The following DIAPH2 variants were observed in gnomAD, a reference collection of about 807,000 sequenced individuals.
DIAPH2 encodes diaphanous related formin 2.
A neutral mutation model predicts 92.7 loss-of-function variants in DIAPH2; 35 were observed. That is an observed-to-expected ratio of 0.38 (90% CI 0.29 to 0.50). The LOEUF (loss-of-function observed/expected upper bound fraction) is 0.50. Among genes scored for constraint, DIAPH2 ranks in the 20% least tolerant of loss-of-function variants. The pLI is 0.94. For synonymous variants in DIAPH2, 301 were observed against 280.4 expected, an observed-to-expected ratio of 1.07 and a Z score of -0.73; for missense variants, 701 against 819.5, an observed-to-expected ratio of 0.86 and a Z score of 1.77.
intron 1 of DIAPH2, among the ~76,000 whole-genome samples, chrX:96,696,902 T>C (rs1016804726): frequency 3.6e-4 from 40 of 112,235 alleles, no homozygotes; most frequent in African/African-American, 1.3e-3. Flanking sequence ...AGACAGTTTA[T>C]TATTCATTGC....
At chrX:97,376,041 A>T (rs1225494866) in intron 24 of DIAPH2, among the ~76,000 whole-genome samples, 1 of 109,158 alleles carries the variant, frequency 9.2e-6, no homozygotes, top group Non-Finnish European at 1.9e-5. Flanking sequence ...TTGGACTTTT[A>T]TTGTACTGTG....
chrX:97,273,808 C>T (rs980936005), intron 23 of DIAPH2, among the ~76,000 whole-genome samples: 3 of 111,875 alleles, frequency 2.7e-5, no homozygotes, highest in Non-Finnish European at 3.8e-5. Context: ...CCCAGTTATA[C>T]ATGTTGTTTG....
At position 97,141,684 on chromosome X, in the gene DIAPH2, C is replaced by T. The variant is rs371649759; in HGVS notation, c.2609C>T (p.Ala870Val). 5.0e-6 allele frequency: 6 copies of T among 1,197,011 alleles called. No homozygotes were observed. The African/African-American group carries it at 7.1e-5, about 14-fold the overall frequency. ...FLCKIRDTKSADQKTTLLHFI... is the reference protein window; with the variant it reads ...FLCKIRDTKSVDQKTTLLHFI... Reference sequence around the variant, plus strand: ...TCCCAGATCAGAGATACTAAATCAGCGGATCAAAAAACAACCCTTTTGCAT... The same window carrying T: ...TCCCAGATCAGAGATACTAAATCAGTGGATCAAAAAACAACCCTTTTGCAT... The change falls in exon 22 of 27, where the codon GCG becomes GTG. Residue 870 changes from alanine (A) to valine (V), a missense_variant. Physicochemically the swap from Ala to Val is moderately conservative, Grantham distance 64. Coordinates refer to ENST00000324765, the MANE Select transcript of DIAPH2 (RefSeq NM_006729.5).
At chrX:97,522,193 G>T (rs1330928569) in intron 26 of DIAPH2, among the ~76,000 whole-genome samples, 1 of 112,218 alleles carries the variant, frequency 8.9e-6, no homozygotes, top group Non-Finnish European at 1.9e-5. Context: ...ATATAGATTT[G>T]CTGGATTATA....
intron 4 of DIAPH2, among the ~76,000 whole-genome samples, chrX:96,879,213 G>A (rs2065197529): frequency 9.0e-6 from 1 of 110,613 alleles, no homozygotes; most frequent in Admixed American, 9.6e-5. Context: ...GTGTTGCGAT[G>A]ATAACTAGAA....
chrX:97,439,743 T>A (rs1266346760), intron 26 of DIAPH2, among the ~76,000 whole-genome samples: 1 of 74,137 alleles, frequency 1.3e-5, no homozygotes, highest in Admixed American at 1.9e-4. Flanking sequence ...CCAGACTCTG[T>A]CTCAAAATAA....
At chrX:97,174,470 T>C (rs1221867590) in intron 22 of DIAPH2, among the ~76,000 whole-genome samples, 2 of 112,000 alleles carry the variant, frequency 1.8e-5, no homozygotes, top group Non-Finnish European at 3.8e-5. Context: ...GTGTGCTTTA[T>C]GACTTTATTA....
intron 9 of DIAPH2, among the ~76,000 whole-genome samples, chrX:96,927,048 G>T (rs927141229): frequency 9.9e-5 from 11 of 111,301 alleles, no homozygotes; most frequent in African/African-American, 3.6e-4. Context: ...CAGGAGAAAT[G>T]ATATCAAGCA....
chrX:96,912,461 T>C (rs2065474488), intron 6 of DIAPH2, 22 bp from the exon 7 acceptor site: 1 of 1,198,059 alleles, frequency 8.3e-7, no homozygotes, highest in Non-Finnish European at 1.1e-6. Flanking sequence ...CACAACATAA[T>C]ATACATTTTT....
chrX:97,429,740 A>G lies in DIAPH2; in HGVS notation c.3236A>G (p.Asn1079Ser). Residue 1079 changes from asparagine (N) to serine (S), a missense_variant, in exon 26 of 27, where the codon AAT becomes AGT. Asn to Ser is a conservative substitution (Grantham distance 46). This residue lies in a region of DIAPH2 where 536 missense variants were observed against 599.3 expected (regional missense o/e 0.89). Coordinates refer to ENST00000324765, the MANE Select transcript of DIAPH2 (RefSeq NM_006729.5). ...FRDRRKRIPR[N>S]PDNRRVPLER... ...GACCGTCGAAAGCGGATTCCAAGGAATCCAGGTAAAACACATTCCACCTCA... is the reference window on the plus strand; with the variant it reads ...GACCGTCGAAAGCGGATTCCAAGGAGTCCAGGTAAAACACATTCCACCTCA... 8.3e-7 allele frequency: 1 copy of G among 1,208,238 alleles called. No homozygotes were observed. Among genetic ancestry groups the G allele is most frequent in the Non-Finnish European group, 1.1e-6 (1 of 893,664 alleles).
At chrX:97,391,787 A>T (rs901400943) in intron 25 of DIAPH2, among the ~76,000 whole-genome samples, 18 of 111,291 alleles carry the variant, frequency 1.6e-4, no homozygotes, top group African/African-American at 5.2e-4. Context: ...TTGAGGATTT[A>T]ATTATTCAGA....
At chrX:97,200,391 C>T (rs1449312954) in intron 22 of DIAPH2, among the ~76,000 whole-genome samples, 2 of 31,389 alleles carry the variant, frequency 6.4e-5, no homozygotes, top group Non-Finnish European at 1.4e-4. Context: ...GCCAAGTGGT[C>T]TCGCTCAGCA....
chrX:97,137,272 T>C (rs5967012), intron 21 of DIAPH2, among the ~76,000 whole-genome samples: 1 of 40,454 alleles, frequency 2.5e-5, no homozygotes, highest in Admixed American at 3.1e-4. Context: ...CAGTTATACA[T>C]ATATATATAT....
At chrX:97,096,275 A>T (rs1209887975) in intron 19 of DIAPH2, among the ~76,000 whole-genome samples, 1 of 112,502 alleles carries the variant, frequency 8.9e-6, no homozygotes, top group Non-Finnish European at 1.9e-5. Flanking sequence ...TCAAGGAAGC[A>T]TTAAATTCAA....
At chrX:97,472,456 G>A (rs1026992122) in intron 26 of DIAPH2, among the ~76,000 whole-genome samples, 1 of 112,055 alleles carries the variant, frequency 8.9e-6, no homozygotes, top group Non-Finnish European at 1.9e-5. Flanking sequence ...ATCACTTATA[G>A]GAAGTTTATG....
chrX:97,486,993 C>CTA (rs2070693399), intron 26 of DIAPH2, among the ~76,000 whole-genome samples: 2 of 112,222 alleles, frequency 1.8e-5, no homozygotes, highest in South Asian at 7.3e-4. Flanking sequence ...TTTTAAATAG[C>CTA]TCATAAACGT....
chrX:97,387,464 C>A (rs1411002751), intron 25 of DIAPH2, among the ~76,000 whole-genome samples: 3 of 111,869 alleles, frequency 2.7e-5, no homozygotes, highest in African/African-American at 9.8e-5. Context: ...GGCTAGAGAC[C>A]CAGAGGAAAG....
At chrX:97,474,820 G>A (rs937050424) in intron 26 of DIAPH2, among the ~76,000 whole-genome samples, 4 of 110,262 alleles carry the variant, frequency 3.6e-5, no homozygotes, top group African/African-American at 9.9e-5. Context: ...GATGATTATC[G>A]TTCTGGGATG....
At position 97,050,257 on chromosome X, in the gene DIAPH2, G is replaced by A. The variant is rs768296861; in HGVS notation, c.2051-22684G>A. Among the ~76,000 whole-genome samples, 52 of 110,489 alleles carry A rather than the reference G, an allele frequency of 4.7e-4. 1 individual carries two copies. In the South Asian group the frequency reaches 0.018, roughly 39 times the overall value. On this transcript the variant is annotated intron_variant, in intron 17 of 26. Coordinates refer to ENST00000324765, the MANE Select transcript of DIAPH2 (RefSeq NM_006729.5). ...TTCCCCCCTTTATCATGACAGTGATGATCAAATCCTTGCTTTGTGAAATAT... is the reference window on the plus strand; with the variant it reads ...TTCCCCCCTTTATCATGACAGTGATAATCAAATCCTTGCTTTGTGAAATAT...
Sources: gnomAD v4.1 joint callset for allele counts (sites outside exome capture counted in the v4.1 genomes callset) on GRCh38, gnomAD v4.1.1 for gene constraint, gnomAD v4.1.1 regional missense constraint, MANE v1.5 for transcripts, NCBI Gene and HGNC (gene_info 2026-07-23, HGNC 2026-07-21) for gene names.